The following IL34 variants were observed in gnomAD, a reference collection of about 807,000 sequenced individuals.
IL34 encodes the protein interleukin 34, also known as interleukin-34.
In IL34, 17 loss-of-function variants were observed where a neutral mutation model predicts 25.3. The observed-to-expected ratio is 0.67, with a 90% CI of 0.46 to 1.01. The LOEUF (loss-of-function observed/expected upper bound fraction) is 1.01. Ranked by LOEUF, IL34 falls within the 50% of genes least tolerant of loss-of-function variation. The pLI is 0.00. For missense variants in IL34, 368 were observed against 312.9 expected (o/e 1.18, Z -1.33); for synonymous variants, 174 against 140.9 (o/e 1.23, Z -1.66).
At chr16:70,628,955 C>T (rs1427647688) in intron 1 of IL34, among the ~76,000 whole-genome samples, 1 of 151,840 alleles carries the variant, frequency 6.6e-6, no homozygotes, top group Non-Finnish European at 1.5e-5. Flanking sequence ...GTCCAACTAA[C>T]TTTTGTATTT....
At position 70,592,117 on chromosome 16, in the gene IL34, C is replaced by T. The variant is rs191108948; in HGVS notation, c.-401+12068C>T. 1.9e-4 allele frequency among the ~76,000 whole-genome samples: 29 copies of T among 151,988 alleles called. 1 individual carries two copies. The highest frequency in any genetic ancestry group is 8.3e-4 in the South Asian group (4 of 4,806). ...ACCTGCTCCAGGTTCATTCTTGTCT[C>T]TACCATACTGGGTCACTCCATAGCC... On this transcript the variant is annotated intron_variant, in intron 1 of 6. Transcript: ENST00000429149.
At chr16:70,610,346 C>T (rs1291495772) in intron 1 of IL34, among the ~76,000 whole-genome samples, 1 of 152,172 alleles carries the variant, frequency 6.6e-6, no homozygotes, top group East Asian at 1.9e-4. Flanking sequence ...CTGTTTTCCT[C>T]CAGCGTCTGG....
intron 1 of IL34, among the ~76,000 whole-genome samples, chr16:70,614,520 A>G (rs2051145377): frequency 6.6e-6 from 1 of 152,210 alleles, no homozygotes; most frequent in Admixed American, 6.5e-5. Context: ...CAGTGATGGG[A>G]GCCGAGGTTT....
At chr16:70,639,676 C>A (rs1238548701) in intron 1 of IL34, among the ~76,000 whole-genome samples, 1 of 152,140 alleles carries the variant, frequency 6.6e-6, no homozygotes, top group Non-Finnish European at 1.5e-5. Context: ...CAGAGGAGTC[C>A]AGGCGTGGTG....
At chr16:70,634,491 C>G (rs2051594228) in intron 1 of IL34, among the ~76,000 whole-genome samples, 1 of 151,922 alleles carries the variant, frequency 6.6e-6, no homozygotes, top group Non-Finnish European at 1.5e-5. Context: ...ACCAGCCTGA[C>G]CAACAAGGTG....
At chr16:70,607,278 A>AT (rs1321463908) in intron 1 of IL34, among the ~76,000 whole-genome samples, 5 of 151,522 alleles carry the variant, frequency 3.3e-5, no homozygotes, top group African/African-American at 9.7e-5. Context: ...ATTTTTTTGT[A>AT]TTTTTTTAGT....
chr16:70,584,368 C>T (rs2050667411), intron 1 of IL34, among the ~76,000 whole-genome samples: 3 of 152,218 alleles, frequency 2.0e-5, no homozygotes, highest in Admixed American at 2.0e-4. Flanking sequence ...GCCAGGCTTT[C>T]CCCTTGGCAT....
chr16:70,659,891 A>T, intron 5 of IL34, 106 bp from the exon 6 acceptor site: 1 of 1,465,264 alleles, frequency 6.8e-7, no homozygotes, highest in Non-Finnish European at 9.2e-7. Flanking sequence ...GGAAGCCAGG[A>T]TGGGCCCTGG....
intron 1 of IL34, among the ~76,000 whole-genome samples, chr16:70,619,319 G>T (rs1019388020): frequency 2.6e-5 from 4 of 152,080 alleles, no homozygotes; most frequent in Non-Finnish European, 5.9e-5. Context: ...TAAGGTGGGG[G>T]AATACAAGAG....
upstream of IL34, among the ~76,000 whole-genome samples, chr16:70,644,402 G>A (rs1026620012): frequency 6.6e-6 from 1 of 152,128 alleles, no homozygotes; most frequent in Non-Finnish European, 1.5e-5. Flanking sequence ...ACTGCTATAT[G>A]GGGGTCTGTT....
chr16:70,657,162 T>TGC (rs2052252126), intron 4 of IL34, 41 bp downstream of exon 4: 2 of 1,588,434 alleles, frequency 1.3e-6, no homozygotes, highest in Non-Finnish European at 1.7e-6. Context: ...TGTGTGTGTG[T>TGC]GCACACGTGT....
intron 1 of IL34, among the ~76,000 whole-genome samples, chr16:70,641,016 A>G (rs1403234228): frequency 6.6e-6 from 1 of 152,212 alleles, no homozygotes; most frequent in Non-Finnish European, 1.5e-5. Context: ...TCACACCTGT[A>G]ATCCCAGCAC....
intron 1 of IL34, among the ~76,000 whole-genome samples, chr16:70,621,937 C>T (rs144755754): frequency 6.6e-6 from 1 of 151,846 alleles, no homozygotes; most frequent in African/African-American, 2.4e-5. Context: ...GGAATGTCAT[C>T]AGTTAAGGGG....
intron 1 of IL34, among the ~76,000 whole-genome samples, chr16:70,650,587 G>C (rs1254712677): frequency 1.3e-5 from 2 of 152,234 alleles, no homozygotes; most frequent in Non-Finnish European, 2.9e-5. Context: ...AGTGTGGACA[G>C]AGGTACTGAT....
chr16:70,616,407 A>G (rs1302299973), intron 1 of IL34, among the ~76,000 whole-genome samples: 6 of 152,212 alleles, frequency 3.9e-5, no homozygotes, highest in Admixed American at 2.6e-4. Flanking sequence ...CAGTGACTCA[A>G]TGTAGTCTTA....
intron 1 of IL34, among the ~76,000 whole-genome samples, chr16:70,650,105 G>A (rs1346079429): frequency 6.6e-6 from 1 of 152,156 alleles, no homozygotes; most frequent in Non-Finnish European, 1.5e-5. Context: ...AGCCTGTGTT[G>A]TGGGTTCTTA....
chr16:70,635,125 T>C (rs2051612473), intron 1 of IL34, among the ~76,000 whole-genome samples: 1 of 152,220 alleles, frequency 6.6e-6, no homozygotes, highest in Admixed American at 6.5e-5. Context: ...GTGGGATTGC[T>C]GGGTCAGAGT....
intron 1 of IL34, among the ~76,000 whole-genome samples, chr16:70,586,023 A>G (rs758656165): frequency 2.0e-5 from 3 of 150,702 alleles, no homozygotes; most frequent in Non-Finnish European, 3.0e-5. Flanking sequence ...TAGTAGAGAC[A>G]GTGTTTTACC....
chr16:70,637,362 A>AC (rs2051679011), intron 1 of IL34, among the ~76,000 whole-genome samples: 1 of 151,530 alleles, frequency 6.6e-6, no homozygotes, highest in South Asian at 2.1e-4. Flanking sequence ...ATTTCTTTTT[A>AC]TTATTTATTT....
Sources: gnomAD v4.1 joint callset for allele counts (sites outside exome capture counted in the v4.1 genomes callset) on GRCh38, gnomAD v4.1.1 for gene constraint, MANE v1.5 for transcripts, NCBI Gene and HGNC (gene_info 2026-07-23, HGNC 2026-07-21) for gene names.